Variants in PWWP2A observed in about 807,000 individuals in gnomAD.
PWWP2A encodes the protein PWWP domain-containing protein 2A.
A neutral mutation model predicts 48.5 loss-of-function variants in PWWP2A; 18 were observed. That is an observed-to-expected ratio of 0.37 (90% CI 0.26 to 0.55). The LOEUF (loss-of-function observed/expected upper bound fraction) is 0.55. PWWP2A is among the 20% of genes least tolerant of loss of function. PWWP2A has a pLI of 0.81. For synonymous variants in PWWP2A, 396 were observed against 387.7 expected (o/e 1.02, Z -0.25); for missense variants, 867 against 976.4 (o/e 0.89, Z 1.49).
At chr5:160,116,637 A>G in intron 1 of PWWP2A, 1 of 984,484 alleles carries the variant, frequency 1.0e-6, no homozygotes, top group Non-Finnish European at 1.2e-6. Context: ...TTTTAAAAAT[A>G]AAGCACTAAC....
At chr5:160,068,837 GTCT>G (rs796661615) in intron 2 of PWWP2A, among the ~76,000 whole-genome samples, 68 of 152,242 alleles carry the variant, frequency 4.5e-4, no homozygotes, top group African/African-American at 1.5e-3. Flanking sequence ...GTATTCAAAA[GTCT>G]TCTAATTCTG....
chr5:160,053,240 G>T, the PWWP2A span, among the ~76,000 whole-genome samples: 2 of 152,174 alleles, frequency 1.3e-5, no homozygotes. Flanking sequence ...TCATCTTTAT[G>T]CTAGTTCCTG....
rs1268432711 is a variant in PWWP2A, at chr5:160,109,768, AAAAAAAATATAT to A, written c.584+9025_584+9036del. Among the ~76,000 whole-genome samples the A allele has an allele frequency of 1.4e-3, 72 of 52,788 alleles. 1 individual carries two copies. The East Asian group carries it at 0.028, about 20-fold the overall frequency. The allele number at this position is 52,788 out of a possible 152,430, so 34.6% of individuals were successfully genotyped here. On this transcript the variant is annotated intron_variant, in intron 1 of 1. Coordinates refer to ENST00000307063, the MANE Select transcript of PWWP2A (RefSeq NM_001130864.2). ...GAGGATGCAACTGGGAAAAAAAAAA[AAAAAAAATATAT>A]ATATATATATATATATATATATATA...
downstream of PWWP2A, chr5:160,090,170 GT>G (rs922403629): frequency 6.7e-5 from 61 of 910,078 alleles, no homozygotes; most frequent in South Asian, 1.0e-4. Flanking sequence ...CAACAATCAT[GT>G]TTTTTTTTTC....
intron 1 of PWWP2A, among the ~76,000 whole-genome samples, chr5:160,096,704 G>T (rs2113558680): frequency 6.6e-6 from 1 of 152,268 alleles, no homozygotes; most frequent in East Asian, 1.9e-4. Flanking sequence ...ATCATGGATT[G>T]CTGCAGCATC....
chr5:160,056,392 A>G, the PWWP2A span, among the ~76,000 whole-genome samples: 1 of 152,204 alleles, frequency 6.6e-6, no homozygotes, highest in African/African-American at 2.4e-5. Context: ...ATGAGGGCAC[A>G]TTGTGAGCTG....
rs1269477087 is a variant in PWWP2A, at chr5:160,091,456, A to G, written c.*926T>C. On this transcript the variant is annotated 3_prime_UTR_variant, in exon 2 of 2. Coordinates refer to ENST00000307063, the MANE Select transcript of PWWP2A (RefSeq NM_001130864.2). Reference sequence around the variant, plus strand: ...TCTGACCTGCAAACAGATACCTTAAACGGAAATTATTTTGTTTTAATTATC... The same window carrying G: ...TCTGACCTGCAAACAGATACCTTAAGCGGAAATTATTTTGTTTTAATTATC... 26 of 981,916 alleles carry G rather than the reference A, an allele frequency of 2.6e-5. No individual in the cohort carries two copies. The highest frequency in any genetic ancestry group is 2.8e-5 in the Non-Finnish European group (23 of 827,248). 60.8% of individuals were successfully genotyped at this position (981,916 alleles called of 1,614,324 possible).
Position 160,093,502 on chromosome 5 carries a change from T to C in PWWP2A, c.1148A>G (p.Asn383Ser), listed in dbSNP as rs374413801. 7 of 1,613,862 alleles carry C rather than the reference T, an allele frequency of 4.3e-6. No homozygotes were observed. The African/African-American group carries it at 6.7e-5, about 15-fold the overall frequency. ...GKNQNESQKR[N>S]AVVKVSNIAH... is the part of the protein sequence containing the mutation. ...AATATTTGAAACCTTAACCACAGCA[T>C]TTCTTTTCTGGCTTTCATTTTGGTT... is the stretch of plus-strand genomic sequence containing the variant. The change falls in exon 2 of 2, where the codon AAT (asparagine) becomes AGT (serine). Residue 383 changes from asparagine (N) to serine (S), a missense_variant. This residue lies in a region of PWWP2A where 382 missense variants were observed against 407.2 expected (regional missense o/e 0.94). Transcript: ENST00000307063. The surrounding 1 kb of genome is among the most constrained non-coding windows in gnomAD (Gnocchi z 5.8).
rs542242129 is a variant in PWWP2A, at chr5:160,078,678, C to A, written c.1670-510G>T. On this transcript the variant is annotated intron_variant, in intron 3 of 3. Transcript: ENST00000456329. The surrounding 1 kb of genome is among the most constrained non-coding windows in gnomAD (Gnocchi z 4.2). ...AGCAGCAGGTCACACTGTCCACATA[C>A]TTGCAAAGAGCAAAATAAGAAGGGA... 6.6e-6 allele frequency among the ~76,000 whole-genome samples: 1 copy of A among 152,256 alleles called. No homozygotes were observed. The highest frequency in any genetic ancestry group is 2.4e-5 in the African/African-American group (1 of 41,546).
chr5:160,118,853 C>A lies in PWWP2A; in HGVS notation c.536G>T (p.Arg179Leu). 1 of 1,588,142 alleles carries A rather than the reference C, an allele frequency of 6.3e-7. No homozygotes were observed. Among genetic ancestry groups the A allele is most frequent in the Non-Finnish European group, 8.6e-7 (1 of 1,168,950 alleles). The change falls in exon 1 of 2, where the codon CGC (arginine) becomes CTC (leucine). Residue 179 changes from arginine to leucine, a missense_variant. This residue lies in a region of PWWP2A where 385 missense variants were observed against 396.9 expected (regional missense o/e 0.97). Transcript: ENST00000307063. ...IIEDALVVSF[R>L]FGEKLFSGVL... ...CCCGGAGAAGAGCTTCTCCCCGAAG[C>A]GGAACGACACGACAAGCGCGTCCTC...
the PWWP2A span, among the ~76,000 whole-genome samples, chr5:160,046,639 T>C: frequency 6.6e-6 from 1 of 152,254 alleles, no homozygotes; most frequent in Non-Finnish European, 1.5e-5. Context: ...TTATATACCA[T>C]AAATATACAC....
rs1364249018 is a variant in PWWP2A, at chr5:160,064,551, G to C, written c.*237-878C>G. 4.6e-5 allele frequency among the ~76,000 whole-genome samples: 7 copies of C among 152,364 alleles called. No homozygotes were observed. In the East Asian group the frequency reaches 1.3e-3, roughly 29 times the overall value. ...GGACCTCTGCCCTCACTACCAGGCA[G>C]ACCTGGCTTGGCAGGGTGCCTTGAG... On this transcript the variant is annotated intron_variant and NMD_transcript_variant, in intron 4 of 5. Transcript: ENST00000524050.
chr5:160,078,107 G>A lies in PWWP2A; in HGVS notation c.*48C>T. ...CAATTTCATTCAGTCCTGATGCTCT[G>A]GTGTTCTCTGTGTCATTGTGGTACA... On this transcript the variant is annotated 3_prime_UTR_variant, in exon 4 of 4. Transcript: ENST00000456329. The surrounding 1 kb of genome is among the most constrained non-coding windows in gnomAD (Gnocchi z 4.2). The A allele has an allele frequency of 6.7e-7, 1 of 1,490,526 alleles. No individual in the cohort carries two copies. The highest frequency in any genetic ancestry group is 9.2e-7 in the Non-Finnish European group (1 of 1,089,880). The allele number at this position is 1,490,526 out of a possible 1,614,324, so 92.3% of individuals were successfully genotyped here. A position where few individuals can be genotyped will look rare whatever the true frequency, so the allele number is the denominator to read the frequency against.
downstream of PWWP2A, chr5:160,090,435 G>A: frequency 5.1e-6 from 5 of 981,912 alleles, no homozygotes; most frequent in Non-Finnish European, 6.0e-6. Context: ...AAATCTTTTA[G>A]GATAGTTCCT....
At chr5:160,054,473 G>A in the PWWP2A span, among the ~76,000 whole-genome samples, 1 of 152,186 alleles carries the variant, frequency 6.6e-6, no homozygotes, top group African/African-American at 2.4e-5. Flanking sequence ...AAATTAGCCA[G>A]GCGTGGTAGC....
intron 3 of PWWP2A, among the ~76,000 whole-genome samples, chr5:160,080,427 C>G (rs1410772205): frequency 2.0e-5 from 3 of 152,198 alleles, no homozygotes; most frequent in Admixed American, 2.0e-4. Context: ...CAGAAGCTCA[C>G]AGGAGACTCC....
intron 1 of PWWP2A, among the ~76,000 whole-genome samples, chr5:160,097,198 G>A (rs1432760262): frequency 2.0e-5 from 3 of 151,868 alleles, no homozygotes; most frequent in Non-Finnish European, 4.4e-5. Context: ...TTAGCCTGGT[G>A]TGGGGGTATG....
intron 1 of PWWP2A, among the ~76,000 whole-genome samples, chr5:160,118,489 C>T (rs891046564): frequency 2.6e-5 from 4 of 151,970 alleles, no homozygotes; most frequent in African/African-American, 9.7e-5. Context: ...TTAACCCACC[C>T]GCCCAGTGAC....
chr5:160,092,077 G>A lies in PWWP2A; in HGVS notation c.*305C>T. The A allele has an allele frequency of 9.6e-7, 1 of 1,041,890 alleles. No homozygotes were observed. Among genetic ancestry groups the A allele is most frequent in the Non-Finnish European group, 1.2e-6 (1 of 868,078 alleles). 64.5% of individuals were successfully genotyped at this position (1,041,890 alleles called of 1,614,324 possible). ...ATATATACAGTATTAGGTACAAATG[G>A]CAATTAACAGTCCCTACAAAAATTC... On this transcript the variant is annotated 3_prime_UTR_variant, in exon 2 of 2. Transcript: ENST00000307063.
Sources: gnomAD v4.1 joint callset for allele counts (sites outside exome capture counted in the v4.1 genomes callset) on GRCh38, gnomAD v4.1.1 for gene constraint, gnomAD v4.1.1 regional missense constraint, Gnocchi (gnomAD v3.1) non-coding constraint, MANE v1.5 for transcripts, NCBI Gene and HGNC (gene_info 2026-07-23, HGNC 2026-07-21) for gene names.